NELFA: variants seen among roughly 807,000 people sequenced by gnomAD.
NELFA encodes the protein negative elongation factor complex member A.
In NELFA, 35 loss-of-function variants were observed where a neutral mutation model predicts 51.8. That is an observed-to-expected ratio of 0.68 (90% CI 0.52 to 0.90). The LOEUF is 0.90. Ranked by LOEUF, NELFA falls within the 40% of genes least tolerant of loss-of-function variation. The probability of loss-of-function intolerance (pLI) is 0.00; values close to 1 mark genes in which losing one functional copy is unlikely to be tolerated. For synonymous variants in NELFA, 417 were observed against 338.4 expected (o/e 1.23, Z -2.55); for missense variants, 658 against 746.4 (o/e 0.88, Z 1.38).
chr4:1,999,279 G>A (rs1397100410), intron 1 of NELFA, among the ~76,000 whole-genome samples: 5 of 150,924 alleles, frequency 3.3e-5, no homozygotes, highest in Admixed American at 2.0e-4. Flanking sequence ...TTACAGGACC[G>A]AATTCACACA....
intron 1 of NELFA, among the ~76,000 whole-genome samples, chr4:2,006,531 G>C (rs1251517606): frequency 6.6e-6 from 1 of 152,122 alleles, no homozygotes; most frequent in Admixed American, 6.6e-5. Context: ...CACTATGGGA[G>C]GCCAAGGCAG....
chr4:1,991,601 C>G lies in NELFA; in HGVS notation c.325G>C (p.Glu109Gln). 2.5e-6 allele frequency: 4 copies of G among 1,614,104 alleles called. No individual in the cohort carries two copies. The highest frequency in any genetic ancestry group is 3.4e-6 in the Non-Finnish European group (4 of 1,180,024). The change falls in exon 2 of 11, where the codon GAG becomes CAG. Residue 109 changes from glutamate to glutamine, a missense_variant. Physicochemically the swap from Glu to Gln is conservative, Grantham distance 29. Around this residue, in one of 3 missense-constraint regions of NELFA, gnomAD observed 371 missense variants for 448.3 expected, o/e 0.83. Transcript: ENST00000382882. The stretch of plus-strand genomic sequence containing the variant: ...ACGTTGGGATTCTGCTCCTCCAGCT[C>G]CAGGTTAAGCGAGCCTGTGTCCGGA... ...SFPDTGSLNL[E>Q]LEEQNPNVQD...
intron 3 of NELFA, among the ~76,000 whole-genome samples, chr4:1,988,727 C>T (rs999911696): frequency 1.3e-5 from 2 of 152,202 alleles, no homozygotes; most frequent in East Asian, 1.9e-4. Flanking sequence ...AAATCTTTGT[C>T]GTGCTTTGGG....
intron 6 of NELFA, 108 bp downstream of exon 6, chr4:1,986,006 G>C (rs1728080377): frequency 1.4e-6 from 2 of 1,387,888 alleles, no homozygotes; most frequent in South Asian, 2.7e-5. Context: ...ACGGAGAGCA[G>C]CCTCACGGGG....
chr4:1,986,316 T>G lies in NELFA; in HGVS notation c.721A>C (p.Ile241Leu), dbSNP rs750317727. ...VFSPTGNRTP[I>L]PPSRTLLRKE... ...CGCAGCAGCGTCCTGGAAGGCGGGA[T>G]GGGGGTCCGGTTCCCTGTGGGGCTG... is the stretch of plus-strand genomic sequence containing the variant. The change falls in exon 5 of 11, where the codon ATC becomes CTC. Residue 241 changes from isoleucine to leucine, a missense_variant. This residue lies in a region of NELFA where 371 missense variants were observed against 448.3 expected (regional missense o/e 0.83). Transcript: ENST00000382882. 1.8e-5 allele frequency: 29 copies of G among 1,594,576 alleles called. No individual in the cohort carries two copies. The highest frequency in any genetic ancestry group is 2.5e-5 in the Non-Finnish European group (29 of 1,170,778).
At chr4:1,984,963 T>C (rs1376150715) in intron 7 of NELFA, 44 bp from the exon 8 acceptor site, 1 of 1,424,352 alleles carries the variant, frequency 7.0e-7, no homozygotes, top group East Asian at 2.5e-5. Flanking sequence ...AGGCCATGCT[T>C]CCGGCATGTG....
chr4:2,005,143 A>AT (rs34348331), intron 1 of NELFA, among the ~76,000 whole-genome samples: 4 of 151,280 alleles, frequency 2.6e-5, no homozygotes, highest in Non-Finnish European at 5.9e-5. Flanking sequence ...TGATTAAAAG[A>AT]TTTTTTTTTA....
intron 1 of NELFA, among the ~76,000 whole-genome samples, chr4:1,999,302 C>A (rs763357782): frequency 1.3e-5 from 2 of 151,470 alleles, no homozygotes; most frequent in Non-Finnish European, 2.9e-5. Flanking sequence ...ACAATATTAA[C>A]CTTCAATGTA....
chr4:1,999,850 C>T (rs758261766), intron 1 of NELFA, among the ~76,000 whole-genome samples: 5 of 152,186 alleles, frequency 3.3e-5, no homozygotes, highest in East Asian at 1.9e-4. Flanking sequence ...CTCAGTGCTA[C>T]GTGGCACTTA....
Position 1,983,241 on chromosome 4 carries a change from C to T in NELFA, c.*78G>A, listed in dbSNP as rs1727948891. Reference sequence around the variant, plus strand: ...GGGACCTCGGGGGCCAGGTGTCCGCCATCCGGTTACTTTAAGCTGGCAAAG... The same window carrying T: ...GGGACCTCGGGGGCCAGGTGTCCGCTATCCGGTTACTTTAAGCTGGCAAAG... On this transcript the variant is annotated 3_prime_UTR_variant, in exon 11 of 11. Coordinates refer to ENST00000382882, the MANE Select transcript of NELFA (RefSeq NM_005663.5). The T allele has an allele frequency of 4.7e-6, 7 of 1,474,056 alleles. No individual in the cohort carries two copies. In the East Asian group the frequency reaches 1.6e-4, roughly 34 times the overall value. 91.3% of individuals were successfully genotyped at this position (1,474,056 alleles called of 1,614,324 possible). A position where few individuals can be genotyped will look rare whatever the true frequency, so the allele number is the denominator to read the frequency against.
rs1727923622 is a variant in NELFA at position 1,982,769 on chromosome 4, G to GTACCC, written c.*549_*550insGGGTA. ...TTAATGGTTCAGATAGTTTTACAAT[G>GTACCC]AAAATAGGTACCCAAAGACTGTCTT... On this transcript the variant is annotated 3_prime_UTR_variant, in exon 11 of 11. Transcript: ENST00000382882. 6.6e-6 allele frequency: 1 copy of GTACCC among 151,448 alleles called. No homozygotes were observed. 9.4% of individuals were successfully genotyped at this position (151,448 alleles called of 1,614,324 possible).
At chr4:2,000,973 GCA>G (rs1202477531) in intron 1 of NELFA, among the ~76,000 whole-genome samples, 5 of 152,222 alleles carry the variant, frequency 3.3e-5, no homozygotes, top group African/African-American at 1.2e-4. Context: ...TCCCTGGGAT[GCA>G]AGGCTGGTTC....
chr4:1,983,744 T>A (rs773284602), intron 9 of NELFA, 49 bp from the exon 10 acceptor site: 20 of 1,606,722 alleles, frequency 1.2e-5, no homozygotes, highest in South Asian at 2.2e-5. Context: ...CAGGACCACC[T>A]CCTGCATCCC....
At chr4:1,990,828 T>C (rs1477761376) in intron 2 of NELFA, among the ~76,000 whole-genome samples, 2 of 152,214 alleles carry the variant, frequency 1.3e-5, no homozygotes, top group Non-Finnish European at 2.9e-5. Flanking sequence ...AGAGATACAT[T>C]CTCACCCTGT....
intron 1 of NELFA, among the ~76,000 whole-genome samples, chr4:1,999,286 C>T (rs1728511636): frequency 1.3e-5 from 2 of 151,380 alleles, no homozygotes; most frequent in African/African-American, 4.9e-5. Context: ...ACCGAATTCA[C>T]ACATAACAAT....
At position 2,008,817 on chromosome 4, in the gene NELFA, A is replaced by G; in HGVS notation, c.143T>C (p.Leu48Pro). 1 of 1,610,612 alleles carries G rather than the reference A, an allele frequency of 6.2e-7. No homozygotes were observed. Among genetic ancestry groups the G allele is most frequent in the South Asian group, 1.1e-5 (1 of 90,414 alleles). The change falls in exon 1 of 11, where the codon CTC becomes CCC. Residue 48 changes from leucine to proline, a missense_variant. By Grantham distance (98) the Leu-to-Pro change is moderately conservative. This residue lies in a region of NELFA where 371 missense variants were observed against 448.3 expected (regional missense o/e 0.83). Coordinates refer to ENST00000382882, the MANE Select transcript of NELFA (RefSeq NM_005663.5). ...IDNIRLCFHG[L>P]SSAVKLKLLL... ...CAACTTGAGCTTCACTGCCGACGAG[A>G]GGCCATGGAAGCAGAGACGGATGTT...
At chr4:1,986,213 T>C in intron 5 of NELFA, 30 bp from the exon 6 acceptor site, 2 of 1,560,806 alleles carry the variant, frequency 1.3e-6, no homozygotes, top group Non-Finnish European at 1.7e-6. Flanking sequence ...CCTGCCTTAG[T>C]GACGGCACCA....
At chr4:1,996,168 G>A (rs576506165) in intron 1 of NELFA, among the ~76,000 whole-genome samples, 5 of 152,192 alleles carry the variant, frequency 3.3e-5, no homozygotes, top group East Asian at 3.9e-4. Context: ...AATTTCAAAC[G>A]ACTAAAATAA....
In NELFA at chr4:1,989,662, C is replaced by T. The variant is rs1481350030; in HGVS notation, c.544+46G>A. On this transcript the variant is annotated intron_variant, in intron 3 of 10. Transcript: ENST00000382882. This position sits in a 1 kb window ranked among gnomAD's most constrained non-coding sequence, Gnocchi z 4.8. Reference sequence around the variant, plus strand: ...ACCTTAGAACCTAAGAAACCTATGACTGGAAACTACAAAGACAATGCCCGA... The same window carrying T: ...ACCTTAGAACCTAAGAAACCTATGATTGGAAACTACAAAGACAATGCCCGA... 1.9e-6 allele frequency: 3 copies of T among 1,583,792 alleles called. No homozygotes were observed. In the East Asian group the frequency reaches 6.7e-5, roughly 35 times the overall value.
Sources: gnomAD v4.1 joint callset for allele counts (sites outside exome capture counted in the v4.1 genomes callset) on GRCh38, gnomAD v4.1.1 for gene constraint, gnomAD v4.1.1 regional missense constraint, Gnocchi (gnomAD v3.1) non-coding constraint, MANE v1.5 for transcripts, NCBI Gene and HGNC (gene_info 2026-07-23, HGNC 2026-07-21) for gene names.